Variants in LANCL1 observed in about 807,000 individuals in gnomAD.
LANCL1 encodes the protein glutathione S-transferase LANCL1.
Under a neutral mutation model 50.6 loss-of-function variants are expected in LANCL1, and 50 were observed. The ratio of observed to expected loss-of-function variants is 0.99; its 90% CI spans 0.79 to 1.25. The LOEUF (loss-of-function observed/expected upper bound fraction) is 1.25, where lower values mean the gene tolerates loss of function less well. Among genes scored for constraint, LANCL1 ranks in the 50% most tolerant of loss-of-function variants. The pLI is 0.00. For missense variants in LANCL1, 532 were observed against 480.7 expected (o/e 1.11, Z -1.00); for synonymous variants, 188 against 178.6 (o/e 1.05, Z -0.42).
intron 3 of LANCL1, among the ~76,000 whole-genome samples, chr2:210,470,435 T>A (rs1025982984): frequency 6.6e-6 from 1 of 152,142 alleles, no homozygotes; most frequent in Non-Finnish European, 1.5e-5. Context: ...TAAAAAAAAA[T>A]AGAATCATGT....
chr2:210,469,716 A>AT (rs1694168075), intron 3 of LANCL1, among the ~76,000 whole-genome samples: 1 of 152,156 alleles, frequency 6.6e-6, no homozygotes, highest in South Asian at 2.1e-4. Context: ...TTAAACTTGC[A>AT]TTTTACTTTG....
intron 4 of LANCL1, among the ~76,000 whole-genome samples, chr2:210,453,776 G>A (rs1206734264): frequency 6.6e-6 from 1 of 152,126 alleles, no homozygotes; most frequent in Non-Finnish European, 1.5e-5. Context: ...AGGTGAGTAT[G>A]GAACAGTTTT....
upstream of LANCL1, chr2:210,477,564 G>T: frequency 7.2e-7 from 1 of 1,394,608 alleles, no homozygotes. Flanking sequence ...CCTAGCTCCA[G>T]ACCTCCAACT....
At chr2:210,455,569 C>G (rs938397196) in intron 3 of LANCL1, among the ~76,000 whole-genome samples, 1 of 152,116 alleles carries the variant, frequency 6.6e-6, no homozygotes, top group Non-Finnish European at 1.5e-5. Context: ...CTCTAAGGCT[C>G]TGGCCAATAA....
intron 4 of LANCL1, among the ~76,000 whole-genome samples, chr2:210,454,054 C>T (rs7595022): frequency 0.63 from 96,330 of 151,966 alleles, 31,423 homozygotes; most frequent in East Asian, 0.82. Flanking sequence ...TTGAAGAATA[C>T]GTCAATTCAG....
chr2:210,472,342 T>A (rs987879561), intron 2 of LANCL1, among the ~76,000 whole-genome samples: 1 of 152,208 alleles, frequency 6.6e-6, no homozygotes, highest in African/African-American at 2.4e-5. Context: ...CTCACAGTAA[T>A]TTTCCACCTA....
At position 210,434,403 on chromosome 2, in the gene LANCL1, C is replaced by T; in HGVS notation, c.*84G>A. On this transcript the variant is annotated 3_prime_UTR_variant, in exon 10 of 10. Coordinates refer to ENST00000450366, the MANE Select transcript of LANCL1 (RefSeq NM_006055.3). ...AGTCCACAGTTTGACTCTTTGTTTCCTTGGAAAGCAACGGAAGCACTTAGC... is the reference window on the plus strand; with the variant it reads ...AGTCCACAGTTTGACTCTTTGTTTCTTTGGAAAGCAACGGAAGCACTTAGC... 9.9e-7 allele frequency: 1 copy of T among 1,008,122 alleles called. No homozygotes were observed. The highest frequency in any genetic ancestry group is 1.5e-6 in the Non-Finnish European group (1 of 677,654). The allele number at this position is 1,008,122 out of a possible 1,614,324, so 62.4% of individuals were successfully genotyped here. A position where few individuals can be genotyped will look rare whatever the true frequency, so the allele number is the denominator to read the frequency against.
In LANCL1 at chr2:210,431,414, C is replaced by G. The variant is rs765975617; in HGVS notation, c.*3073G>C. Reference sequence around the variant, plus strand: ...CTTTATAATTAGAGAAACAGTTCGTCTACAGCTCAATAGTAGAGAAAACAC... The same window carrying G: ...CTTTATAATTAGAGAAACAGTTCGTGTACAGCTCAATAGTAGAGAAAACAC... On this transcript the variant is annotated 3_prime_UTR_variant, in exon 10 of 10. Transcript: ENST00000450366. 2.0e-5 allele frequency: 3 copies of G among 152,154 alleles called. No individual in the cohort carries two copies. Among genetic ancestry groups the G allele is most frequent in the Non-Finnish European group, 2.9e-5 (2 of 68,044 alleles). The allele number at this position is 152,154 out of a possible 1,614,324, so 9.4% of individuals were successfully genotyped here. A position where few individuals can be genotyped will look rare whatever the true frequency, so the allele number is the denominator to read the frequency against.
Position 210,476,746 on chromosome 2 carries a change from A to AGG in LANCL1, c.-145_-144dup, listed in dbSNP as rs1268268267. On this transcript the variant is annotated 5_prime_UTR_variant, in exon 1 of 10. Transcript: ENST00000450366. The stretch of plus-strand genomic sequence containing the variant: ...CCCCGCAGCCCCGGACAGTAACAGA[A>AGG]GGGCTATTTTACCGCCCAGTTCCTG... The AGG allele has an allele frequency of 1.9e-6, 2 of 1,058,522 alleles. No homozygotes were observed. The highest frequency in any genetic ancestry group is 9.8e-5 in the Admixed American group (2 of 20,420). The allele number at this position is 1,058,522 out of a possible 1,614,324, so 65.6% of individuals were successfully genotyped here. A position where few individuals can be genotyped will look rare whatever the true frequency, so the allele number is the denominator to read the frequency against.
chr2:210,438,016 T>C, intron 6 of LANCL1, 144 bp from the exon 7 acceptor site: 1 of 516,622 alleles, frequency 1.9e-6, no homozygotes, highest in Non-Finnish European at 3.3e-6. Flanking sequence ...TTTTTCCACC[T>C]ATTGGATGCC....
chr2:210,476,516 G>A (rs1317152618), intron 1 of LANCL1, 104 bp from the exon 2 acceptor site: 21 of 1,408,944 alleles, frequency 1.5e-5, no homozygotes, highest in Non-Finnish European at 1.9e-5. Flanking sequence ...CAGCTCCAGG[G>A]CCATCGAGCC....
intron 3 of LANCL1, among the ~76,000 whole-genome samples, chr2:210,456,923 G>T (rs1044184259): frequency 2.0e-5 from 3 of 152,192 alleles, no homozygotes; most frequent in African/African-American, 7.2e-5. Flanking sequence ...GCTTGCAATT[G>T]TAAGATTTGG....
At position 210,454,857 on chromosome 2, in the gene LANCL1, C is replaced by T. The variant is rs1000754035; in HGVS notation, c.407+250G>A. ...ATTAGTAATCATATGTTAAGGCTTT[C>T]GATCTCATTTACATTATTGAACTGA... On this transcript the variant is annotated intron_variant, in intron 4 of 9. Transcript: ENST00000450366. Among the ~76,000 whole-genome samples the T allele has an allele frequency of 7.2e-5, 11 of 152,250 alleles. No homozygotes were observed. The East Asian group carries it at 1.5e-3, about 21-fold the overall frequency.
In LANCL1 at chr2:210,431,821, C is replaced by G. The variant is rs994642306; in HGVS notation, c.*2666G>C. 6.6e-6 allele frequency: 1 copy of G among 152,188 alleles called. No homozygotes were observed. The highest frequency in any genetic ancestry group is 3.2e-3 in the Middle Eastern group (1 of 316). 9.4% of individuals were successfully genotyped at this position (152,188 alleles called of 1,614,324 possible). On this transcript the variant is annotated 3_prime_UTR_variant, in exon 10 of 10. Transcript: ENST00000450366. ...TAAAGACTGACAACTCAGGCCACAC[C>G]GCCGTCCATGGTATCTATGGAAATA...
intron 6 of LANCL1, among the ~76,000 whole-genome samples, chr2:210,438,886 CAG>C (rs1693030170): frequency 2.0e-5 from 3 of 152,136 alleles, no homozygotes; most frequent in African/African-American, 7.2e-5. Flanking sequence ...ATGTCTTTAA[CAG>C]ATTCAAAGTG....
intron 3 of LANCL1, among the ~76,000 whole-genome samples, chr2:210,470,007 C>T (rs1282677078): frequency 6.9e-6 from 1 of 144,234 alleles, no homozygotes; most frequent in Non-Finnish European, 1.5e-5. Context: ...ATAATAGAAA[C>T]TCCATATATA....
At chr2:210,446,415 G>T (rs565931266) in intron 4 of LANCL1, among the ~76,000 whole-genome samples, 9 of 152,226 alleles carry the variant, frequency 5.9e-5, no homozygotes, top group East Asian at 1.9e-4. Context: ...GTGCAAAAAG[G>T]CTGAAAATTC....
intron 3 of LANCL1, among the ~76,000 whole-genome samples, chr2:210,457,877 T>C (rs1693716789): frequency 6.6e-6 from 1 of 152,178 alleles, no homozygotes. Context: ...TGCCTTTCTC[T>C]CAACAATAAT....
intron 6 of LANCL1, among the ~76,000 whole-genome samples, chr2:210,439,456 A>G (rs1248863122): frequency 6.6e-6 from 1 of 152,186 alleles, no homozygotes; most frequent in Non-Finnish European, 1.5e-5. Flanking sequence ...GTTTGATTCT[A>G]ACTAACCTTG....
Sources: gnomAD v4.1 joint callset for allele counts (sites outside exome capture counted in the v4.1 genomes callset) on GRCh38, gnomAD v4.1.1 for gene constraint, MANE v1.5 for transcripts, NCBI Gene and HGNC (gene_info 2026-07-23, HGNC 2026-07-21) for gene names.